CATSPERD: variants seen among roughly 807,000 people sequenced by gnomAD.
CATSPERD encodes catsper channel auxiliary subunit delta.
Under a neutral mutation model 98.1 loss-of-function variants are expected in CATSPERD, and 86 were observed. The observed-to-expected ratio is 0.88, with a 90% CI of 0.74 to 1.05. The LOEUF (loss-of-function observed/expected upper bound fraction) is 1.05, where lower values mean the gene tolerates loss of function less well. CATSPERD is among the 50% of genes least tolerant of loss of function. The pLI is 0.00. For synonymous variants in CATSPERD, 394 were observed against 390.2 expected (o/e 1.01, Z -0.12); for missense variants, 995 against 1,005.7 (o/e 0.99, Z 0.14).
chr19:5,724,939 C>T, intron 2 of CATSPERD, 77 bp downstream of exon 2: 2 of 1,344,900 alleles, frequency 1.5e-6, no homozygotes, highest in Non-Finnish European at 1.1e-6. Context: ...CCTGGTATTT[C>T]TTGGGTGCCC....
intron 6 of CATSPERD, among the ~76,000 whole-genome samples, chr19:5,738,563 T>A (rs2055894636): frequency 1.3e-5 from 2 of 151,942 alleles, no homozygotes; most frequent in Admixed American, 1.3e-4. Flanking sequence ...CAAACTTAAT[T>A]ACTAATAGCC....
chr19:5,733,791 C>A, intron 4 of CATSPERD, 65 bp from the exon 5 acceptor site: 1 of 1,126,922 alleles, frequency 8.9e-7, no homozygotes, highest in Non-Finnish European at 1.3e-6. Flanking sequence ...GTCTAGAAGT[C>A]TGCGTTTCTG....
intron 5 of CATSPERD, 78 bp from the exon 6 acceptor site, chr19:5,737,060 A>G: frequency 1.0e-6 from 1 of 961,366 alleles, no homozygotes; most frequent in East Asian, 2.6e-5. Flanking sequence ...CTGTCTCAAA[A>G]ACAAAACAAA....
rs1354111853 is a variant in CATSPERD at position 5,776,002 on chromosome 19, G to A, written c.1942-159G>A. On this transcript the variant is annotated intron_variant, in intron 20 of 21. Coordinates refer to ENST00000381624, the MANE Select transcript of CATSPERD (RefSeq NM_152784.4). ...CTCCATCCACTCTTCTCTGCAGGGA[G>A]CATGAACCTGCCCACACCATGGGCA... is the stretch of plus-strand genomic sequence containing the variant. Among the ~76,000 whole-genome samples, 3 of 152,238 alleles carry A rather than the reference G, an allele frequency of 2.0e-5. No individual in the cohort carries two copies. In the East Asian group the frequency reaches 5.8e-4, roughly 29 times the overall value.
intron 3 of CATSPERD, 112 bp downstream of exon 3, chr19:5,727,456 G>A: frequency 1.2e-6 from 1 of 803,308 alleles, no homozygotes; most frequent in Admixed American, 2.1e-5. Context: ...TGTGTTGCTA[G>A]TTGCTGGCCT....
intron 11 of CATSPERD, among the ~76,000 whole-genome samples, chr19:5,749,451 AACG>A (rs2056161855): frequency 1.3e-5 from 2 of 151,956 alleles, no homozygotes; most frequent in South Asian, 2.1e-4. Flanking sequence ...CAACAACAAC[AACG>A]ACAACAGAAA....
chr19:5,724,788 G>T lies in CATSPERD; in HGVS notation c.72-20G>T, dbSNP rs200353997. ...AATATTCAATAAAAATTGACAGATGGTCTTTCTTGTCACTTCTAGTTCTCG... is the reference window on the plus strand; with the variant it reads ...AATATTCAATAAAAATTGACAGATGTTCTTTCTTGTCACTTCTAGTTCTCG... On this transcript the variant is annotated intron_variant, in intron 1 of 21. Transcript: ENST00000381624. 3.5e-5 allele frequency: 57 copies of T among 1,612,280 alleles called. No homozygotes were observed. In the African/African-American group the frequency reaches 7.1e-4, roughly 20 times the overall value.
chr19:5,764,736 C>T (rs2056507057), intron 16 of CATSPERD, among the ~76,000 whole-genome samples: 1 of 152,112 alleles, frequency 6.6e-6, no homozygotes, highest in African/African-American at 2.4e-5. Flanking sequence ...GCTTCAGCCT[C>T]CCGAGTAGCT....
chr19:5,737,281 C>A, intron 6 of CATSPERD, 76 bp downstream of exon 6: 1 of 1,035,704 alleles, frequency 9.7e-7, no homozygotes, highest in Non-Finnish European at 1.5e-6. Flanking sequence ...GACATAAAGG[C>A]TGGGCGTGGT....
chr19:5,738,943 G>A (rs1323253294), intron 6 of CATSPERD, among the ~76,000 whole-genome samples: 6 of 151,562 alleles, frequency 4.0e-5, no homozygotes, highest in Admixed American at 1.3e-4. Flanking sequence ...GGTCAGGCTG[G>A]TCTTGAACTC....
intron 20 of CATSPERD, among the ~76,000 whole-genome samples, chr19:5,774,920 G>A (rs1353558092): frequency 1.3e-5 from 2 of 152,100 alleles, no homozygotes; most frequent in African/African-American, 2.4e-5. Flanking sequence ...GGAAAGCTGA[G>A]GCAGGAGAAT....
rs1290309536 is a variant in CATSPERD at position 5,720,645 on chromosome 19, G to T, written c.-93G>T. 3 of 1,259,636 alleles carry T rather than the reference G, an allele frequency of 2.4e-6. No homozygotes were observed. Among genetic ancestry groups the T allele is most frequent in the Non-Finnish European group, 3.4e-6 (3 of 892,344 alleles). 78.0% of individuals were successfully genotyped at this position (1,259,636 alleles called of 1,614,324 possible). ...GCCCGCTCCCGGGACTCATTGATGCGCATGCGCAGGGCTTCAGCCTGCACG... is the reference window on the plus strand; with the variant it reads ...GCCCGCTCCCGGGACTCATTGATGCTCATGCGCAGGGCTTCAGCCTGCACG... On this transcript the variant is annotated 5_prime_UTR_variant, in exon 1 of 22. Coordinates refer to ENST00000381624, the MANE Select transcript of CATSPERD (RefSeq NM_152784.4).
At chr19:5,762,058 A>ATATATATATATATTTTTTTTTTTTT in intron 15 of CATSPERD, among the ~76,000 whole-genome samples, 1 of 10,436 alleles carries the variant, frequency 9.6e-5, no homozygotes, top group Admixed American at 1.4e-3. Context: ...ATATATATAT[A>ATATATATATATATTTTTTTTTTTTT]TTTTTTTTTT....
chr19:5,769,949 C>T (rs181004599), intron 18 of CATSPERD, among the ~76,000 whole-genome samples: 19 of 151,860 alleles, frequency 1.3e-4, no homozygotes, highest in African/African-American at 2.7e-4. Context: ...ATTAGCCAGG[C>T]GTGGTGGCAC....
chr19:5,759,514 G>A (rs1441605693), intron 15 of CATSPERD, among the ~76,000 whole-genome samples: 20 of 148,080 alleles, frequency 1.4e-4, no homozygotes, highest in African/African-American at 4.5e-4. Flanking sequence ...GCAGTGAGCC[G>A]AGATCGTGCC....
In CATSPERD at chr19:5,764,441, G is replaced by A. The variant is rs565213393; in HGVS notation, c.1506+1148G>A. On this transcript the variant is annotated intron_variant, in intron 16 of 21. Coordinates refer to ENST00000381624, the MANE Select transcript of CATSPERD (RefSeq NM_152784.4). ...CGCCATTCTTCTGCCTCAGCCTCCC[G>A]TGTAGCTGGGACTACAGGCGCCTGC... 1.1e-3 allele frequency among the ~76,000 whole-genome samples: 169 copies of A among 151,170 alleles called. 4 individuals are homozygous for A. The highest frequency in any genetic ancestry group is 3.7e-3 in the African/African-American group (152 of 41,186).
In CATSPERD at chr19:5,737,120, A is replaced by ATTATAT. The variant is rs754012335; in HGVS notation, c.392-15_392-10dup. On this transcript the variant is annotated splice_polypyrimidine_tract_variant and intron_variant, in intron 5 of 21. Coordinates refer to ENST00000381624, the MANE Select transcript of CATSPERD (RefSeq NM_152784.4). ...TCAGGGAACTCATAAACATTTCAAA[A>ATTATAT]TTATATTTTCCTTTCAGGTATAAAA... 1.3e-6 allele frequency: 2 copies of ATTATAT among 1,549,904 alleles called. No homozygotes were observed. Among genetic ancestry groups the ATTATAT allele is most frequent in the Non-Finnish European group, 1.8e-6 (2 of 1,126,498 alleles).
At chr19:5,734,011 T>A (rs1364777791) in intron 5 of CATSPERD, 41 bp downstream of exon 5, 2 of 1,236,248 alleles carry the variant, frequency 1.6e-6, no homozygotes, top group African/African-American at 3.0e-5. Context: ...TTGAGTGTAG[T>A]CAACATGAGA....
At chr19:5,778,254 T>A in intron 21 of CATSPERD, 122 bp from the exon 22 acceptor site, 4 of 720,816 alleles carry the variant, frequency 5.5e-6, no homozygotes, top group South Asian at 1.8e-5. Flanking sequence ...GAAGTGGGTA[T>A]ACCCGGTCAC....
Sources: gnomAD v4.1 joint callset for allele counts (sites outside exome capture counted in the v4.1 genomes callset) on GRCh38, gnomAD v4.1.1 for gene constraint, MANE v1.5 for transcripts, NCBI Gene and HGNC (gene_info 2026-07-23, HGNC 2026-07-21) for gene names.